Variants in VPS13B observed in about 807,000 individuals in gnomAD.
VPS13B encodes intermembrane lipid transfer protein VPS13B.
In VPS13B, 285 loss-of-function variants were observed where a neutral mutation model predicts 426.4. The ratio of observed to expected loss-of-function variants is 0.67; its 90% CI spans 0.61 to 0.74. The LOEUF (loss-of-function observed/expected upper bound fraction) is 0.74, where lower values mean the gene tolerates loss of function less well. Ranked by LOEUF, VPS13B falls within the 30% of genes least tolerant of loss-of-function variation. The pLI is 0.00. For synonymous variants in VPS13B, 1,676 were observed against 1,676.4 expected (o/e 1.00, Z 0.01); for missense variants, 4,537 against 4,782.6 (o/e 0.95, Z 1.51).
At chr8:99,288,574 G>T (rs954835844) in intron 19 of VPS13B, among the ~76,000 whole-genome samples, 20 of 151,998 alleles carry the variant, frequency 1.3e-4, no homozygotes, top group Admixed American at 6.6e-5. Context: ...TGAGGGGCAA[G>T]TGGGAGGGGT....
At chr8:99,124,518 A>G (rs1449078321) in intron 8 of VPS13B, among the ~76,000 whole-genome samples, 1 of 152,230 alleles carries the variant, frequency 6.6e-6, no homozygotes. Flanking sequence ...GAAACAATCC[A>G]TATGTTCATC....
intron 25 of VPS13B, among the ~76,000 whole-genome samples, chr8:99,496,177 A>C (rs114962194): frequency 0.017 from 2,523 of 152,284 alleles, 71 homozygotes; most frequent in African/African-American, 0.057. Flanking sequence ...TTGGTTTTAA[A>C]GATAAATAAA....
intron 29 of VPS13B, among the ~76,000 whole-genome samples, chr8:99,517,517 A>G (rs1822149985): frequency 6.6e-6 from 1 of 152,192 alleles, no homozygotes; most frequent in Non-Finnish European, 1.5e-5. Flanking sequence ...TGATAAAAAA[A>G]TTGAACATTC....
At chr8:99,236,261 T>TA (rs1188360484) in intron 17 of VPS13B, among the ~76,000 whole-genome samples, 1 of 152,124 alleles carries the variant, frequency 6.6e-6, no homozygotes, top group African/African-American at 2.4e-5. Context: ...TTTTTTTTTT[T>TA]TTTTTAAAGA....
intron 42 of VPS13B, among the ~76,000 whole-genome samples, chr8:99,780,470 G>A (rs1811964164): frequency 3.3e-5 from 5 of 152,098 alleles, no homozygotes; most frequent in African/African-American, 1.2e-4. Context: ...AAAATATGGT[G>A]CATAAATATT....
At chr8:99,234,282 C>G in intron 17 of VPS13B, 1 of 764,216 alleles carries the variant, frequency 1.3e-6, no homozygotes, top group South Asian at 1.3e-5. Flanking sequence ...ACAGCAGTTT[C>G]TGTGTCTGTG....
Position 99,331,743 on chromosome 8 carries a change from G to T in VPS13B, c.2825-52465G>T, listed in dbSNP as rs929246625. Among the ~76,000 whole-genome samples the T allele has an allele frequency of 7.2e-5, 11 of 151,744 alleles. No homozygotes were observed. In the East Asian group the frequency reaches 2.1e-3, roughly 29 times the overall value. On this transcript the variant is annotated intron_variant, in intron 19 of 61. Coordinates refer to ENST00000357162, the MANE Select transcript of VPS13B (RefSeq NM_152564.5). ...TGTAGGTTAAATTGTAAAATTTAAG[G>T]TTGGAAATGAAATCTGAAAGCTGCT...
At chr8:99,712,017 G>C (rs531131275) in intron 36 of VPS13B, among the ~76,000 whole-genome samples, 3 of 152,302 alleles carry the variant, frequency 2.0e-5, no homozygotes, top group Non-Finnish European at 4.4e-5. Context: ...TATGGTTTAA[G>C]CCATGAGAGT....
chr8:99,278,339 G>T (rs960061296), intron 19 of VPS13B, among the ~76,000 whole-genome samples: 1 of 152,070 alleles, frequency 6.6e-6, no homozygotes, highest in African/African-American at 2.4e-5. Context: ...GAATGTGAGG[G>T]AATGGACAGC....
chr8:99,552,236 A>G (rs766363659), intron 30 of VPS13B, among the ~76,000 whole-genome samples: 1 of 151,384 alleles, frequency 6.6e-6, no homozygotes, highest in Non-Finnish European at 1.5e-5. Flanking sequence ...ATGCTTTTTT[A>G]CTTTTTAAAT....
intron 23 of VPS13B, among the ~76,000 whole-genome samples, chr8:99,444,644 G>A (rs1332615785): frequency 6.6e-6 from 1 of 151,948 alleles, no homozygotes; most frequent in African/African-American, 2.4e-5. Flanking sequence ...TTGGCCATTT[G>A]TATATCTTCT....
intron 17 of VPS13B, among the ~76,000 whole-genome samples, chr8:99,215,601 C>A (rs1311704870): frequency 6.6e-6 from 1 of 152,168 alleles, no homozygotes; most frequent in Non-Finnish European, 1.5e-5. Flanking sequence ...TTGCCCCCTG[C>A]CTCCTGTGAA....
chr8:99,524,297 A>G (rs981015333), intron 30 of VPS13B, among the ~76,000 whole-genome samples: 2 of 152,184 alleles, frequency 1.3e-5, no homozygotes, highest in Non-Finnish European at 2.9e-5. Flanking sequence ...AGAGAGAGTG[A>G]TAGGAGTAGA....
chr8:99,512,038 T>C (rs1821816201), intron 29 of VPS13B, among the ~76,000 whole-genome samples: 1 of 152,202 alleles, frequency 6.6e-6, no homozygotes, highest in East Asian at 1.9e-4. Context: ...TAGCATATCA[T>C]TTTTGTAATA....
intron 38 of VPS13B, 89 bp downstream of exon 38, chr8:99,720,641 G>A (rs1263561764): frequency 1.4e-6 from 2 of 1,425,588 alleles, no homozygotes; most frequent in Non-Finnish European, 2.0e-6. Flanking sequence ...CAATCAAGAT[G>A]GCTTTTTAAA....
At chr8:99,327,706 T>G (rs1208411287) in intron 19 of VPS13B, among the ~76,000 whole-genome samples, 1 of 152,174 alleles carries the variant, frequency 6.6e-6, no homozygotes, top group South Asian at 2.1e-4. Context: ...GATGACTAAC[T>G]TACCCTCTAT....
intron 24 of VPS13B, among the ~76,000 whole-genome samples, chr8:99,480,469 T>G (rs1447632455): frequency 2.0e-5 from 3 of 152,140 alleles, no homozygotes; most frequent in Non-Finnish European, 4.4e-5. Flanking sequence ...GTTCTAATTA[T>G]TTAAGAAAAA....
At position 99,832,227 on chromosome 8, in the gene VPS13B, A is replaced by G. The variant is rs950741509; in HGVS notation, c.9331-142A>G. The G allele has an allele frequency of 6.5e-6, 8 of 1,235,972 alleles. 1 individual carries two copies. The South Asian group carries it at 9.6e-5, about 15-fold the overall frequency. The allele number at this position is 1,235,972 out of a possible 1,614,324, so 76.6% of individuals were successfully genotyped here. A position where few individuals can be genotyped will look rare whatever the true frequency, so the allele number is the denominator to read the frequency against. ...CAGTGAGCCGAGATGGTGCCACTGC[A>G]CTCCCGCCTGCGTGATGGAGTGAGA... On this transcript the variant is annotated intron_variant, in intron 51 of 61. Coordinates refer to ENST00000357162, the MANE Select transcript of VPS13B (RefSeq NM_152564.5).
chr8:99,266,052 G>A (rs918514400), intron 17 of VPS13B, among the ~76,000 whole-genome samples: 1 of 152,110 alleles, frequency 6.6e-6, no homozygotes, highest in African/African-American at 2.4e-5. Context: ...TACTTCCACA[G>A]AGATATACAG....
Sources: gnomAD v4.1 joint callset for allele counts (sites outside exome capture counted in the v4.1 genomes callset) on GRCh38, gnomAD v4.1.1 for gene constraint, MANE v1.5 for transcripts, NCBI Gene and HGNC (gene_info 2026-07-23, HGNC 2026-07-21) for gene names.